Variants in CCN3 observed in about 807,000 individuals in gnomAD.
CCN3 encodes CCN family member 3.
In CCN3, 20 loss-of-function variants were observed where a neutral mutation model predicts 33.4. The observed-to-expected ratio is 0.60, with a 90% confidence interval of 0.42 to 0.87. CCN3 has a LOEUF of 0.87. CCN3 is among the 40% of genes least tolerant of loss of function. The probability of loss-of-function intolerance (pLI) is 0.00; values close to 1 mark genes in which losing one functional copy is unlikely to be tolerated. For synonymous variants in CCN3, 205 were observed against 170.4 expected, an observed-to-expected ratio of 1.20 and a Z score of -1.58; for missense variants, 465 against 455.3, an observed-to-expected ratio of 1.02 and a Z score of -0.19.
rs142592146 is a variant in CCN3 at position 119,418,108 on chromosome 8, G to C, written c.361G>C (p.Glu121Gln). 5.8e-5 allele frequency: 93 copies of C among 1,614,238 alleles called. 1 individual carries two copies. The African/African-American group carries it at 1.2e-3, about 21-fold the overall frequency. ...VFDGVIYRSG[E>Q]KFQPSCKFQC... is the part of the protein sequence containing the mutation. ...CGATGGGGTCATCTACCGCAGTGGA[G>C]AGAAATTTCAGCCAAGCTGCAAATT... The change falls in exon 3 of 5, where the codon GAG becomes CAG. Residue 121 changes from glutamate to glutamine, a missense_variant. By Grantham distance (29) the Glu-to-Gln change is conservative. Coordinates refer to ENST00000259526, the MANE Select transcript of CCN3 (RefSeq NM_002514.4).
rs1342282769 is a variant in CCN3, at chr8:119,416,902, C to A, written c.243C>A (p.Cys81Ter). 6.2e-7 allele frequency: 1 copy of A among 1,613,836 alleles called. No individual in the cohort carries two copies. The highest frequency in any genetic ancestry group is 2.2e-5 in the East Asian group (1 of 44,858). ...AGAGCTGCTCAGATCTGGAGCCATG[C>A]GACGAGAGCAGTGGCCTCTACTGTG... ...RGESCSDLEPCDESSGLYCDR... is the reference protein window; with the variant it reads ...RGESCSDLEP Residue 81 changes from cysteine to a stop codon, truncating the protein, a stop_gained, in exon 2 of 5, where the codon TGC (cysteine) becomes TGA (stop). Coordinates refer to ENST00000259526, the MANE Select transcript of CCN3 (RefSeq NM_002514.4). LOFTEE classifies it high-confidence loss of function.
Position 119,422,954 on chromosome 8 carries a change from G to T in CCN3, c.896G>T (p.Arg299Leu). The T allele has an allele frequency of 6.2e-7, 1 of 1,614,054 alleles. No homozygotes were observed. Among genetic ancestry groups the T allele is most frequent in the East Asian group, 2.2e-5 (1 of 44,874 alleles). The change falls in exon 5 of 5, where the codon CGC (arginine) becomes CTC (leucine). Residue 299 changes from arginine to leucine, a missense_variant. Physicochemically the swap from Arg to Leu is moderately radical, Grantham distance 102 (BLOSUM62 -2). Coordinates refer to ENST00000259526, the MANE Select transcript of CCN3 (RefSeq NM_002514.4). ...TTCTGTGGGGTCTGCAGTGATGGCC[G>T]CTGCTGCACTCCCCACAATACCAAA... The part of the protein sequence containing the change: ...PRFCGVCSDG[R>L]CCTPHNTKTI...
Position 119,416,579 on chromosome 8 carries a change from T to C in CCN3, c.47T>C (p.Leu16Pro), listed in dbSNP as rs755106243. The change falls in exon 1 of 5, where the codon CTT (leucine) becomes CCT (proline). Residue 16 changes from leucine (L) to proline (P), a missense_variant. Physicochemically the swap from Leu to Pro is moderately conservative, Grantham distance 98. Transcript: ENST00000259526. ...AGCTTTTGTCTCCGAAAGCAGTGCC[T>C]TTGCCTGACCTTCCTGCTTCTCCAT... ...STSFCLRKQC[L>P]CLTFLLLHLL... 1.2e-6 allele frequency: 2 copies of C among 1,614,036 alleles called. No individual in the cohort carries two copies. The highest frequency in any genetic ancestry group is 3.3e-5 in the Admixed American group (2 of 60,010).
Position 119,419,406 on chromosome 8 carries a change from G to T in CCN3, c.777+61G>T, listed in dbSNP as rs566742889. The stretch of plus-strand genomic sequence containing the variant: ...AATGGCCTTGTGTCCTTGGAGCCTG[G>T]GCTTCAGAAAGTCACTGTGTCACTC... On this transcript the variant is annotated intron_variant, in intron 4 of 4. Transcript: ENST00000259526. 2.6e-6 allele frequency: 4 copies of T among 1,541,420 alleles called. No individual in the cohort carries two copies. The South Asian group carries it at 4.5e-5, about 17-fold the overall frequency.
intron 4 of CCN3, among the ~76,000 whole-genome samples, chr8:119,420,526 A>G (rs1046252143): frequency 1.4e-4 from 22 of 152,300 alleles, no homozygotes; most frequent in African/African-American, 4.8e-4. Flanking sequence ...CCAGTTTAGA[A>G]AGAACACCTA....
chr8:119,420,048 T>C (rs1285965816), intron 4 of CCN3: 1 of 152,194 alleles, frequency 6.6e-6, no homozygotes, highest in African/African-American at 2.4e-5. Flanking sequence ...CAGAGCCCTA[T>C]ATCAGAAAAA....
rs1820091570 is a variant in CCN3 at position 119,419,157 on chromosome 8, G to A, written c.589G>A (p.Val197Ile). 4 of 1,614,168 alleles carry A rather than the reference G, an allele frequency of 2.5e-6. No individual in the cohort carries two copies. Among genetic ancestry groups the A allele is most frequent in the Non-Finnish European group, 3.4e-6 (4 of 1,180,026 alleles). The change falls in exon 4 of 5, where the codon GTA becomes ATA. Residue 197 changes from valine to isoleucine, a missense_variant. Transcript: ENST00000259526. ...TTACAGGCCAGAAGCCACCCTAGGA[G>A]TAGAAGTCTCTGACTCAAGTGTCAA... ...AAYRPEATLG[V>I]EVSDSSVNCI...
At chr8:119,419,035 C>T (rs1423050824) in intron 3 of CCN3, 96 bp from the exon 4 acceptor site, 5 of 868,482 alleles carry the variant, frequency 5.8e-6, no homozygotes, top group Non-Finnish European at 5.7e-6. Context: ...GGTACAGAGT[C>T]GAATGAGACC....
intron 2 of CCN3, 28 bp downstream of exon 2, chr8:119,416,997 C>T (rs1480433613): frequency 1.9e-6 from 3 of 1,568,766 alleles, no homozygotes. Flanking sequence ...GCTGTTTGAC[C>T]TCTTCTCCTG....
chr8:119,416,583 C>A lies in CCN3; in HGVS notation c.51C>A (p.Cys17Ter). Residue 17 changes from cysteine (C) to a stop codon, truncating the protein, a stop_gained, in exon 1 of 5, where the codon TGC (cysteine) becomes TGA (stop). Transcript: ENST00000259526. LOFTEE classifies it high-confidence loss of function. ...TSFCLRKQCL[C>*]LTFLLLHLLG... ...TTTGTCTCCGAAAGCAGTGCCTTTG[C>A]CTGACCTTCCTGCTTCTCCATCTCC... The A allele has an allele frequency of 1.9e-6, 3 of 1,613,966 alleles. No homozygotes were observed. Among genetic ancestry groups the A allele is most frequent in the Non-Finnish European group, 2.5e-6 (3 of 1,179,954 alleles).
chr8:119,423,468 T>G lies in CCN3; in HGVS notation c.*336T>G. The G allele has an allele frequency of 5.0e-6, 1 of 200,026 alleles. No homozygotes were observed. Among genetic ancestry groups the G allele is most frequent in the Non-Finnish European group, 1.0e-5 (1 of 96,222 alleles). The allele number at this position is 200,026 out of a possible 1,614,324, so 12.4% of individuals were successfully genotyped here. A position where few individuals can be genotyped will look rare whatever the true frequency, so the allele number is the denominator to read the frequency against. ...ACATTGCACTCATCATATTTTGTTG[T>G]GCACTAGTGCAATTCCAAGAAAATA... On this transcript the variant is annotated 3_prime_UTR_variant, in exon 5 of 5. Transcript: ENST00000259526.
intron 4 of CCN3, among the ~76,000 whole-genome samples, chr8:119,421,354 A>G (rs1820121858): frequency 6.6e-6 from 1 of 152,126 alleles, no homozygotes; most frequent in African/African-American, 2.4e-5. Flanking sequence ...AGCATCATCT[A>G]AGAAGTTGTT....
At chr8:119,421,542 G>C (rs1031667988) in intron 4 of CCN3, among the ~76,000 whole-genome samples, 1 of 152,192 alleles carries the variant, frequency 6.6e-6, no homozygotes, top group African/African-American at 2.4e-5. Flanking sequence ...TGTGGGTCAT[G>C]CCTATGAAGG....
In CCN3 at chr8:119,419,159, A is replaced by T; in HGVS notation, c.591A>T (p.Val197=). 1 of 1,614,188 alleles carries T rather than the reference A, an allele frequency of 6.2e-7. No individual in the cohort carries two copies. The highest frequency in any genetic ancestry group is 8.5e-7 in the Non-Finnish European group (1 of 1,180,010). Residue 197 remains valine, a synonymous_variant, in exon 4 of 5, where the codon GTA becomes GTT. Transcript: ENST00000259526. ...ACAGGCCAGAAGCCACCCTAGGAGTAGAAGTCTCTGACTCAAGTGTCAACT... is the reference window on the plus strand; with the variant it reads ...ACAGGCCAGAAGCCACCCTAGGAGTTGAAGTCTCTGACTCAAGTGTCAACT... ...AAYRPEATLG[V]EVSDSSVNCI...
chr8:119,420,770 T>C (rs192838825), intron 4 of CCN3, among the ~76,000 whole-genome samples: 4 of 152,314 alleles, frequency 2.6e-5, no homozygotes, highest in Middle Eastern at 3.4e-3. Context: ...ATATTTTCAA[T>C]AGCACAGCAA....
chr8:119,421,576 A>G (rs1820123800), intron 4 of CCN3, among the ~76,000 whole-genome samples: 1 of 152,254 alleles, frequency 6.6e-6, no homozygotes, highest in Non-Finnish European at 1.5e-5. Flanking sequence ...ACTGTAGGAA[A>G]TTAGTAGATT....
intron 3 of CCN3, 56 bp from the exon 4 acceptor site, chr8:119,419,075 C>G: frequency 6.9e-7 from 1 of 1,445,562 alleles, no homozygotes; most frequent in Non-Finnish European, 9.7e-7. Context: ...AAAAGGACCA[C>G]TTTCCAATCC....
At position 119,423,160 on chromosome 8, in the gene CCN3, A is replaced by T; in HGVS notation, c.*28A>T. The T allele has an allele frequency of 1.3e-6, 2 of 1,575,826 alleles. No individual in the cohort carries two copies. Among genetic ancestry groups the T allele is most frequent in the Non-Finnish European group, 1.7e-6 (2 of 1,152,446 alleles). On this transcript the variant is annotated 3_prime_UTR_variant, in exon 5 of 5. Coordinates refer to ENST00000259526, the MANE Select transcript of CCN3 (RefSeq NM_002514.4). ...TGTCACTCAAGAAGCACACCTACAGAGCACCTGTAGCTGCTGCGCCACCCA... is the reference window on the plus strand; with the variant it reads ...TGTCACTCAAGAAGCACACCTACAGTGCACCTGTAGCTGCTGCGCCACCCA...
chr8:119,417,917 T>G, intron 2 of CCN3, 141 bp from the exon 3 acceptor site: 16 of 803,810 alleles, frequency 2.0e-5, no homozygotes, highest in Non-Finnish European at 3.0e-5. Flanking sequence ...AGTAGATACA[T>G]GAGAAACCAG....
Sources: allele counts gnomAD v4.1 joint callset (sites outside exome capture counted in the v4.1 genomes callset), GRCh38; gene constraint gnomAD v4.1.1; transcripts MANE v1.5; gene names NCBI Gene and HGNC (gene_info 2026-07-23, HGNC 2026-07-21).